SLC71A1: variants seen among roughly 807,000 people sequenced by gnomAD.
SLC71A1 encodes hippocampus abundant gene transcript 1.
the SLC71A1 span, among the ~76,000 whole-genome samples, chr1:100,060,274 A>G: frequency 3.3e-5 from 5 of 152,212 alleles, no homozygotes; most frequent in Non-Finnish European, 5.9e-5. Flanking sequence ...TTTCAAAACA[A>G]TATTTTGGGG....
At chr1:100,041,483 C>CA in the SLC71A1 span, among the ~76,000 whole-genome samples, 7 of 152,240 alleles carry the variant, frequency 4.6e-5, no homozygotes, top group South Asian at 1.2e-3. Flanking sequence ...AGTTTAAGAG[C>CA]AATTGTTCTG....
At chr1:100,043,804 G>T in the SLC71A1 span, among the ~76,000 whole-genome samples, 2 of 152,174 alleles carry the variant, frequency 1.3e-5, no homozygotes, top group Admixed American at 6.5e-5. Flanking sequence ...GAGAACATAC[G>T]ACATTTGGTT....
chr1:100,068,574 A>G, the SLC71A1 span: 24 of 1,588,148 alleles, frequency 1.5e-5, no homozygotes, highest in East Asian at 2.2e-5. Context: ...GCTTTTTTTT[A>G]TACCTCAGAC....
the SLC71A1 span, chr1:100,082,412 C>T: frequency 1.8e-6 from 1 of 565,122 alleles, no homozygotes; most frequent in Non-Finnish European, 3.1e-6. Context: ...TTTTGAAAAA[C>T]CTTTTGTTTA....
chr1:100,051,895 A>G, the SLC71A1 span, among the ~76,000 whole-genome samples: 2 of 152,216 alleles, frequency 1.3e-5, no homozygotes, highest in East Asian at 1.9e-4. Context: ...TGAATACATT[A>G]TCATTTTTCA....
chr1:100,064,946 T>C, the SLC71A1 span, among the ~76,000 whole-genome samples: 1 of 152,048 alleles, frequency 6.6e-6, no homozygotes, highest in Non-Finnish European at 1.5e-5. Context: ...AGTGCAGTGG[T>C]GCCGTTACAG....
the SLC71A1 span, chr1:100,067,908 A>G: frequency 2.6e-6 from 3 of 1,153,758 alleles, no homozygotes; most frequent in Non-Finnish European, 3.9e-6. Context: ...CAAGATTATG[A>G]AAGGAGTTAT....
chr1:100,040,455 A>T, the SLC71A1 span, among the ~76,000 whole-genome samples: 1 of 152,026 alleles, frequency 6.6e-6, no homozygotes, highest in Non-Finnish European at 1.5e-5. Flanking sequence ...ACTATTATGA[A>T]CTTTTTTTGT....
chr1:100,054,288 A>G, the SLC71A1 span, among the ~76,000 whole-genome samples: 5 of 151,696 alleles, frequency 3.3e-5, no homozygotes, highest in Non-Finnish European at 7.4e-5. Flanking sequence ...ATCTCGGCTC[A>G]CTGCAACCTT....
the SLC71A1 span, among the ~76,000 whole-genome samples, chr1:100,056,788 A>G: frequency 1.2e-3 from 179 of 152,248 alleles, no homozygotes; most frequent in Non-Finnish European, 2.3e-3. Flanking sequence ...TAGTGATTGT[A>G]CTAATTTACA....
At chr1:100,080,577 T>C in the SLC71A1 span, 2 of 1,614,024 alleles carry the variant, frequency 1.2e-6, no homozygotes, top group Non-Finnish European at 1.7e-6. Context: ...ATTTTCTACA[T>C]ATTCCATGTG....
At chr1:100,066,494 A>G in the SLC71A1 span, among the ~76,000 whole-genome samples, 1 of 152,094 alleles carries the variant, frequency 6.6e-6, no homozygotes, top group South Asian at 2.1e-4. Context: ...GTTTCTTAAA[A>G]CATTATGCAG....
At chr1:100,060,828 A>G in the SLC71A1 span, among the ~76,000 whole-genome samples, 1 of 152,018 alleles carries the variant, frequency 6.6e-6, no homozygotes, top group South Asian at 2.1e-4. Context: ...TCAGAGCCCA[A>G]TTTGGTTGTA....
the SLC71A1 span, among the ~76,000 whole-genome samples, chr1:100,056,954 C>T: frequency 6.6e-6 from 1 of 152,074 alleles, no homozygotes; most frequent in African/African-American, 2.4e-5. Context: ...TTTCATATAC[C>T]TATTGGTCAC....
At chr1:100,054,137 G>A in the SLC71A1 span, among the ~76,000 whole-genome samples, 2 of 151,310 alleles carry the variant, frequency 1.3e-5, no homozygotes, top group Non-Finnish European at 2.9e-5. Context: ...CACCGCCAAG[G>A]TTCAAGAGAT....
At chr1:100,058,822 C>A in the SLC71A1 span, 1 of 608,240 alleles carries the variant, frequency 1.6e-6, no homozygotes, top group Non-Finnish European at 2.9e-6. Context: ...TATAACTATG[C>A]GAATATATGT....
At chr1:100,070,365 G>A in the SLC71A1 span, among the ~76,000 whole-genome samples, 1 of 152,206 alleles carries the variant, frequency 6.6e-6, no homozygotes, top group South Asian at 2.1e-4. Flanking sequence ...GGGGGCCAGT[G>A]CGGCTCCAGT....
chr1:100,065,799 T>C, the SLC71A1 span, among the ~76,000 whole-genome samples: 1 of 150,704 alleles, frequency 6.6e-6, no homozygotes, highest in South Asian at 2.1e-4. Context: ...CCTCTTCTCT[T>C]CTCTCCTCTC....
At chr1:100,038,668 C>A in the SLC71A1 span, among the ~76,000 whole-genome samples, 1 of 152,118 alleles carries the variant, frequency 6.6e-6, no homozygotes, top group Non-Finnish European at 1.5e-5. Flanking sequence ...CTCGTCGCCG[C>A]AGCCTCGCCT....
Sources: gnomAD v4.1 joint callset for allele counts (sites outside exome capture counted in the v4.1 genomes callset) on GRCh38, gnomAD v4.1.1 for gene constraint, MANE v1.5 for transcripts, NCBI Gene and HGNC (gene_info 2026-07-23, HGNC 2026-07-21) for gene names.